Variants in RFX4 observed in about 807,000 individuals in gnomAD.
RFX4 encodes the protein transcription factor RFX4.
RFX4 carries 10 observed loss-of-function variants against 95.0 expected under a neutral mutation model. The ratio of observed to expected loss-of-function variants is 0.11; its 90% CI spans 0.06 to 0.18. RFX4 has a LOEUF of 0.18. Ranked by LOEUF, RFX4 falls within the 10% of genes least tolerant of loss-of-function variation. RFX4 has a pLI of 1.00. For synonymous variants in RFX4, 321 were observed against 340.7 expected, an observed-to-expected ratio of 0.94 and a Z score of 0.64; for missense variants, 640 against 922.0, an observed-to-expected ratio of 0.69 and a Z score of 3.96.
At chr12:106,680,705 C>T (rs891986409) in intron 4 of RFX4, 3 of 152,192 alleles carry the variant, frequency 2.0e-5, no homozygotes, top group Non-Finnish European at 1.5e-5. Context: ...GGAAGGGAGT[C>T]TTGGTTACAC....
At chr12:106,634,970 C>T (rs1187476981) in intron 2 of RFX4, among the ~76,000 whole-genome samples, 1 of 152,214 alleles carries the variant, frequency 6.6e-6, no homozygotes, top group African/African-American at 2.4e-5. Flanking sequence ...TCTTTCTCCC[C>T]AGTGCCTAGT....
chr12:106,696,616 C>T (rs968876407), intron 8 of RFX4, among the ~76,000 whole-genome samples, 170 bp downstream of exon 8: 3 of 152,028 alleles, frequency 2.0e-5, no homozygotes, highest in African/African-American at 7.3e-5. Context: ...TATAAATAAA[C>T]TGTTAATATT....
At position 106,696,501 on chromosome 12, in the gene RFX4, C is replaced by T; in HGVS notation, c.833+55C>T. 9.4e-6 allele frequency: 15 copies of T among 1,599,672 alleles called. No homozygotes were observed. In the South Asian group the frequency reaches 1.5e-4, roughly 15 times the overall value. Reference sequence around the variant, plus strand: ...CGGCTGGTCCACAGAAGGGATTGTTCTGCTTCTCTTGTACTGATTATAATC... The same window carrying T: ...CGGCTGGTCCACAGAAGGGATTGTTTTGCTTCTCTTGTACTGATTATAATC... On this transcript the variant is annotated intron_variant, in intron 8 of 17. Coordinates refer to ENST00000392842, the MANE Select transcript of RFX4 (RefSeq NM_213594.3).
rs571491776 is a variant in RFX4, at chr12:106,754,928, G to T, written c.1935+4135G>T. On this transcript the variant is annotated intron_variant, in intron 17 of 17. Transcript: ENST00000392842. ...GGGTGGGAAGAAATTAATTATATCAGTCTCTACCCAGGTTGATGAGTGAGG... is the reference window on the plus strand; with the variant it reads ...GGGTGGGAAGAAATTAATTATATCATTCTCTACCCAGGTTGATGAGTGAGG... Among the ~76,000 whole-genome samples the T allele has an allele frequency of 2.6e-5, 4 of 152,326 alleles. No homozygotes were observed. In the South Asian group the frequency reaches 8.3e-4, roughly 32 times the overall value.
chr12:106,599,180 C>T (rs1422475058), intron 1 of RFX4, among the ~76,000 whole-genome samples: 1 of 145,100 alleles, frequency 6.9e-6, no homozygotes, highest in African/African-American at 2.6e-5. Context: ...TTTTCCTCCT[C>T]GTTGTTTTTT....
In RFX4 at chr12:106,608,892, T is replaced by C; in HGVS notation, c.130+9T>C. 1 of 1,605,930 alleles carries C rather than the reference T, an allele frequency of 6.2e-7. No homozygotes were observed. The highest frequency in any genetic ancestry group is 8.5e-7 in the Non-Finnish European group (1 of 1,177,188). On this transcript the variant is annotated intron_variant, in intron 2 of 17. Transcript: ENST00000392842. ...TGTTTCTAATGATGAAAGTAAGTGC[T>C]TGAAACTCATTCTTCCATGACATCC...
At chr12:106,608,499 C>A (rs993558636) in intron 1 of RFX4, among the ~76,000 whole-genome samples, 1 of 152,230 alleles carries the variant, frequency 6.6e-6, no homozygotes, top group Non-Finnish European at 1.5e-5. Context: ...AGATAATCCT[C>A]AGTTGGTGCT....
chr12:106,713,044 A>T lies in RFX4; in HGVS notation c.993+1533A>T, dbSNP rs529160309. On this transcript the variant is annotated intron_variant, in intron 10 of 17. Coordinates refer to ENST00000392842, the MANE Select transcript of RFX4 (RefSeq NM_213594.3). ...CCCTCTCCACCTTCCGCACAAAAAC[A>T]GTATGTAATTTAATCAGCAAATGCC... Among the ~76,000 whole-genome samples the T allele has an allele frequency of 3.3e-5, 5 of 152,336 alleles. No homozygotes were observed. The South Asian group carries it at 1.0e-3, about 32-fold the overall frequency.
intron 4 of RFX4, among the ~76,000 whole-genome samples, chr12:106,656,985 A>G (rs974286562): frequency 2.6e-5 from 4 of 152,222 alleles, no homozygotes; most frequent in African/African-American, 7.2e-5. Flanking sequence ...CTGCCTTGCC[A>G]TCAGTTTCAA....
chr12:106,608,012 G>A (rs557249576), intron 1 of RFX4, among the ~76,000 whole-genome samples: 230 of 152,268 alleles, frequency 1.5e-3, no homozygotes, highest in Middle Eastern at 0.01. Context: ...GGCCAACATG[G>A]TGAAACCCCG....
intron 13 of RFX4, among the ~76,000 whole-genome samples, chr12:106,726,011 A>T (rs2042488438): frequency 6.6e-6 from 1 of 152,038 alleles, no homozygotes; most frequent in Non-Finnish European, 1.5e-5. Flanking sequence ...CTTTGGGAGG[A>T]TGAGGCGGGC....
intron 2 of RFX4, among the ~76,000 whole-genome samples, chr12:106,609,975 AT>A (rs2039924798): frequency 6.6e-6 from 1 of 152,132 alleles, no homozygotes; most frequent in East Asian, 1.9e-4. Flanking sequence ...TGTCTGTGAG[AT>A]TCATTCATCT....
intron 1 of RFX4, among the ~76,000 whole-genome samples, chr12:106,602,957 C>CA (rs1420606762): frequency 6.6e-6 from 1 of 152,014 alleles, no homozygotes; most frequent in Non-Finnish European, 1.5e-5. Context: ...ATGGAATAAA[C>CA]AAAAAAACCC....
chr12:106,761,437 A>T lies in RFX4; in HGVS notation c.2176A>T (p.Asn726Tyr). 6.2e-7 allele frequency: 1 copy of T among 1,614,048 alleles called. No individual in the cohort carries two copies. The highest frequency in any genetic ancestry group is 8.5e-7 in the Non-Finnish European group (1 of 1,179,990). Residue 726 changes from asparagine (N) to tyrosine (Y), a missense_variant, in exon 18 of 18, where the codon AAC (asparagine) becomes TAC (tyrosine). Asn to Tyr is a moderately radical substitution (Grantham distance 143, BLOSUM62 -2). Coordinates refer to ENST00000392842, the MANE Select transcript of RFX4 (RefSeq NM_213594.3). ...ACACTTTCCTGGCTTTGCTTACATC[A>T]ACGGAGAGGCCTCTACAGGATGGGC... is the stretch of plus-strand genomic sequence containing the variant. ...MQHFPGFAYI[N>Y]GEASTGWAK
chr12:106,759,336 A>AGG (rs71442033), intron 17 of RFX4, among the ~76,000 whole-genome samples: 12,840 of 152,222 alleles, frequency 0.084, 685 homozygotes, highest in East Asian at 0.26. Context: ...TGGGACCAGA[A>AGG]GGGAGGCCTC....
intron 7 of RFX4, among the ~76,000 whole-genome samples, chr12:106,690,637 C>T (rs1420081602): frequency 6.6e-6 from 1 of 152,132 alleles, no homozygotes; most frequent in Non-Finnish European, 1.5e-5. Context: ...CCTTGGAGTC[C>T]TCTTTGTTCA....
chr12:106,588,784 A>G (rs2039498377), intron 1 of RFX4, among the ~76,000 whole-genome samples: 1 of 152,162 alleles, frequency 6.6e-6, no homozygotes, highest in African/African-American at 2.4e-5. Flanking sequence ...CTTTGTTTAT[A>G]AAGTAGTTTT....
intron 2 of RFX4, among the ~76,000 whole-genome samples, chr12:106,634,263 G>A (rs190443729): frequency 1.5e-4 from 23 of 152,186 alleles, no homozygotes; most frequent in Non-Finnish European, 2.2e-4. Context: ...CTCCTATATG[G>A]AGCTGTGACG....
In RFX4 at chr12:106,657,117, G is replaced by A. The variant is rs564031574; in HGVS notation, c.315+2766G>A. Among the ~76,000 whole-genome samples the A allele has an allele frequency of 1.7e-3, 263 of 152,330 alleles. 1 individual carries two copies. Among genetic ancestry groups the A allele is most frequent in the African/African-American group, 6.0e-3 (248 of 41,574 alleles). On this transcript the variant is annotated intron_variant, in intron 4 of 17. Coordinates refer to ENST00000392842, the MANE Select transcript of RFX4 (RefSeq NM_213594.3). ...ACATTTGCCTTTCCTGAGGACTCCA[G>A]CATGCTGCAGCTGCCATCTCCTTGA...
Sources: gnomAD v4.1 joint callset for allele counts (sites outside exome capture counted in the v4.1 genomes callset) on GRCh38, gnomAD v4.1.1 for gene constraint, MANE v1.5 for transcripts, NCBI Gene and HGNC (gene_info 2026-07-23, HGNC 2026-07-21) for gene names.